Variants in FBN1 observed in about 807,000 individuals in gnomAD.
FBN1 encodes fibrillin 1, also known as fibrillin-1.
Under a neutral mutation model 365.1 loss-of-function variants are expected in FBN1, and 29 were observed. The ratio of observed to expected loss-of-function variants is 0.08; its 90% confidence interval spans 0.06 to 0.11. The LOEUF (loss-of-function observed/expected upper bound fraction) is 0.11, where lower values mean the gene tolerates loss of function less well. Ranked by LOEUF, FBN1 falls within the 10% of genes least tolerant of loss-of-function variation. The pLI is 1.00. For synonymous variants in FBN1, 1,210 were observed against 1,270.5 expected (o/e 0.95, Z 1.01); for missense variants, 2,476 against 3,703.2 (o/e 0.67, Z 8.60).
chr15:48,411,159 T>C lies in FBN1; in HGVS notation c.8447A>G (p.His2816Arg), dbSNP rs1555393532. The change falls in exon 66 of 66, where the codon CAC (histidine) becomes CGC (arginine). Residue 2816 changes from histidine to arginine, a missense_variant. His to Arg is a conservative substitution (Grantham distance 29). Transcript: ENST00000316623. Reference protein sequence around the residue: ...INQKEGISYLHFTKKKPVAGT... With the variant: ...INQKEGISYLRFTKKKPVAGT... ...AGCCACTGGCTTCTTCTTTGTGAAG[T>C]GGAGGTAGCTGATCCCTTCCTTTTG... The C allele has an allele frequency of 6.2e-7, 1 of 1,614,138 alleles. No homozygotes were observed. The highest frequency in any genetic ancestry group is 1.6e-4 in the Middle Eastern group (1 of 6,062).
chr15:48,550,190 C>T (rs995803065), intron 6 of FBN1, among the ~76,000 whole-genome samples: 24 of 152,220 alleles, frequency 1.6e-4, no homozygotes, highest in African/African-American at 3.9e-4. Context: ...ACCATTCAGA[C>T]GCCCTCGTGG....
At chr15:48,610,606 G>A (rs2044648849) in intron 4 of FBN1, 122 bp downstream of exon 4, 1 of 754,584 alleles carries the variant, frequency 1.3e-6, no homozygotes, top group Non-Finnish European at 2.3e-6. Context: ...GCAGAACAGA[G>A]AAGGCAGATG....
At chr15:48,503,698 G>A in intron 17 of FBN1, 89 bp downstream of exon 17, 1 of 1,576,810 alleles carries the variant, frequency 6.3e-7, no homozygotes, top group African/African-American at 1.3e-5. Flanking sequence ...AGAGCAAAAT[G>A]TCATCTTCCC....
At position 48,410,872 on chromosome 15, in the gene FBN1, T is replaced by C. The variant is rs755780314; in HGVS notation, c.*118A>G. Reference sequence around the variant, plus strand: ...TAATACAAAGAATAGTGCTTATTTATACAAATTTACTTGGTGAAAGATTGT... The same window carrying C: ...TAATACAAAGAATAGTGCTTATTTACACAAATTTACTTGGTGAAAGATTGT... On this transcript the variant is annotated 3_prime_UTR_variant, in exon 66 of 66. Coordinates refer to ENST00000316623, the MANE Select transcript of FBN1 (RefSeq NM_000138.5). 2.8e-6 allele frequency: 3 copies of C among 1,060,758 alleles called. No homozygotes were observed. Among genetic ancestry groups the C allele is most frequent in the Non-Finnish European group, 4.1e-6 (3 of 728,932 alleles). The allele number at this position is 1,060,758 out of a possible 1,614,324, so 65.7% of individuals were successfully genotyped here. A position where few individuals can be genotyped will look rare whatever the true frequency, so the allele number is the denominator to read the frequency against.
At chr15:48,602,183 A>T (rs1392499460) in intron 4 of FBN1, among the ~76,000 whole-genome samples, 1 of 152,018 alleles carries the variant, frequency 6.6e-6, no homozygotes, top group Non-Finnish European at 1.5e-5. Context: ...AATCCTATCT[A>T]TCTCCAAAAC....
chr15:48,563,254 A>G (rs1473460333), intron 6 of FBN1, among the ~76,000 whole-genome samples: 4 of 152,304 alleles, frequency 2.6e-5, no homozygotes, highest in Middle Eastern at 3.4e-3. Context: ...GAGAGAGAGA[A>G]AGAGACTTTT....
At chr15:48,612,351 A>G (rs1467708789) in intron 3 of FBN1, among the ~76,000 whole-genome samples, 1 of 152,188 alleles carries the variant, frequency 6.6e-6, no homozygotes, top group Non-Finnish European at 1.5e-5. Flanking sequence ...ACTGGACATT[A>G]TTTCATAGGT....
At chr15:48,472,732 C>T (rs2141278186) in intron 34 of FBN1, 56 bp from the exon 35 acceptor site, 1 of 1,613,424 alleles carries the variant, frequency 6.2e-7, no homozygotes, top group African/African-American at 1.3e-5. Context: ...TTTCTAATTC[C>T]TCAGGTCTAT....
chr15:48,495,550 C>A lies in FBN1; in HGVS notation c.2458G>T (p.Val820Phe), dbSNP rs2043600154. Residue 820 changes from valine (V) to phenylalanine (F), a missense_variant, in exon 21 of 66, where the codon GTC (valine) becomes TTC (phenylalanine). Val to Phe is a conservative substitution (Grantham distance 50). This residue lies in a region of FBN1 where 1,780 missense variants were observed against 2,840.8 expected (regional missense o/e 0.63). Coordinates refer to ENST00000316623, the MANE Select transcript of FBN1 (RefSeq NM_000138.5). ...AAAGAGCCTGGGCTGTTCTTGCAGA[C>A]TCCATTAATGCAAGGACTTGATTCG... ...ECESSPCINGVCKNSPGSFIC... is the reference protein window; with the variant it reads ...ECESSPCINGFCKNSPGSFIC... The A allele has an allele frequency of 6.2e-7, 1 of 1,613,928 alleles. No homozygotes were observed. Among genetic ancestry groups the A allele is most frequent in the Non-Finnish European group, 8.5e-7 (1 of 1,179,988 alleles).
intron 8 of FBN1, among the ~76,000 whole-genome samples, chr15:48,531,489 C>T (rs761330907): frequency 4.6e-5 from 7 of 152,094 alleles, no homozygotes; most frequent in Non-Finnish European, 7.4e-5. Flanking sequence ...CTAAAGGAAG[C>T]TACCTTTAAA....
At chr15:48,504,370 T>A (rs778941498) in intron 16 of FBN1, among the ~76,000 whole-genome samples, 27 of 152,216 alleles carry the variant, frequency 1.8e-4, no homozygotes, top group Non-Finnish European at 7.3e-5. Flanking sequence ...AATTACTGAA[T>A]GTCTGAATTA....
At chr15:48,445,535 A>G (rs757207010) in intron 47 of FBN1, 31 bp from the exon 48 acceptor site, 5 of 1,608,356 alleles carry the variant, frequency 3.1e-6, no homozygotes, top group East Asian at 2.2e-5. Flanking sequence ...ATCCTTTAAT[A>G]TATTCCAAAG....
chr15:48,574,769 A>G (rs1033535722), intron 6 of FBN1, among the ~76,000 whole-genome samples: 3 of 152,216 alleles, frequency 2.0e-5, no homozygotes, highest in African/African-American at 7.2e-5. Flanking sequence ...TCCATGTGAC[A>G]TCAGATCAGG....
intron 35 of FBN1, among the ~76,000 whole-genome samples, chr15:48,471,009 T>C (rs956411355): frequency 1.3e-5 from 2 of 152,152 alleles, no homozygotes; most frequent in African/African-American, 4.8e-5. Context: ...CATATCTCAT[T>C]TGTAGTGTTC....
Position 48,427,625 on chromosome 15 carries a change from C to G in FBN1, c.7146G>C (p.Gly2382=). The stretch of plus-strand genomic sequence containing the variant: ...GACAGAGTTTCTTGAAAGCCACAGT[C>G]CCCTGGAAAGGGCAGATCTCACAGT... ...GPHCEICPFQ[G]TVAFKKLCPH... is the part of the protein sequence containing the mutation. The change falls in exon 58 of 66, where the codon GGG becomes GGC. Residue 2382 remains glycine (G), a synonymous_variant. Transcript: ENST00000316623. 6.2e-7 allele frequency: 1 copy of G among 1,614,180 alleles called. No individual in the cohort carries two copies.
intron 2 of FBN1, among the ~76,000 whole-genome samples, chr15:48,614,714 G>C (rs1009308503): frequency 6.6e-6 from 1 of 152,166 alleles, no homozygotes; most frequent in African/African-American, 2.4e-5. Context: ...GTTAGAGCCT[G>C]TGTGAGCTCA....
chr15:48,520,609 TTG>T, intron 10 of FBN1, 48 bp downstream of exon 10: 1 of 1,608,482 alleles, frequency 6.2e-7, no homozygotes, highest in South Asian at 1.1e-5. Flanking sequence ...GCCACTGGGC[TTG>T]TGAGGGCTGG....
At chr15:48,620,006 C>T (rs529269719) in intron 2 of FBN1, among the ~76,000 whole-genome samples, 27 of 152,254 alleles carry the variant, frequency 1.8e-4, no homozygotes, top group African/African-American at 6.5e-4. Flanking sequence ...TTTGGTTGTG[C>T]GCTGAAGGGC....
intron 32 of FBN1, among the ~76,000 whole-genome samples, chr15:48,475,648 G>A (rs530454765): frequency 9.2e-5 from 14 of 152,252 alleles, no homozygotes; most frequent in African/African-American, 3.4e-4. Context: ...ACAAAACACT[G>A]CAAGAATTTC....
Sources: gnomAD v4.1 joint callset for allele counts (sites outside exome capture counted in the v4.1 genomes callset) on GRCh38, gnomAD v4.1.1 for gene constraint, gnomAD v4.1.1 regional missense constraint, MANE v1.5 for transcripts, NCBI Gene and HGNC (gene_info 2026-07-23, HGNC 2026-07-21) for gene names.